Variants in FNTB observed in about 807,000 individuals in gnomAD.
FNTB encodes the protein farnesyltransferase, CAAX box, subunit beta.
In FNTB, 27 loss-of-function variants were observed where a neutral mutation model predicts 59.4. The ratio of observed to expected loss-of-function variants is 0.45; its 90% confidence interval spans 0.34 to 0.63. The LOEUF (loss-of-function observed/expected upper bound fraction) is 0.63, where lower values mean the gene tolerates loss of function less well. Ranked by LOEUF, FNTB falls within the 20% of genes least tolerant of loss-of-function variation. The probability of loss-of-function intolerance (pLI) is 0.02; values close to 1 mark genes in which losing one functional copy is unlikely to be tolerated. For synonymous variants in FNTB, 230 were observed against 220.7 expected (o/e 1.04, Z -0.37); for missense variants, 449 against 559.6 (o/e 0.80, Z 1.99).
At chr14:64,995,424 T>G (rs1888356025) in intron 1 of FNTB, among the ~76,000 whole-genome samples, 3 of 152,180 alleles carry the variant, frequency 2.0e-5, no homozygotes, top group African/African-American at 2.4e-5. Flanking sequence ...TGTTATACTT[T>G]TATAACACTG....
At chr14:65,059,818 A>G (rs1456684079) in intron 11 of FNTB, among the ~76,000 whole-genome samples, 1 of 149,162 alleles carries the variant, frequency 6.7e-6, no homozygotes, top group Non-Finnish European at 1.5e-5. Context: ...ACTACATATT[A>G]GGGTTGTGGT....
Position 65,023,366 on chromosome 14 carries a change from A to G in FNTB, c.375-4087A>G, listed in dbSNP as rs2061922316. 6.6e-6 allele frequency among the ~76,000 whole-genome samples: 1 copy of G among 152,144 alleles called. No homozygotes were observed. The highest frequency in any genetic ancestry group is 2.1e-4 in the South Asian group (1 of 4,822). On this transcript the variant is annotated intron_variant, in intron 4 of 11. Coordinates refer to ENST00000246166, the MANE Select transcript of FNTB (RefSeq NM_002028.4). The surrounding 1 kb of genome is among the most constrained non-coding windows in gnomAD (Gnocchi z 4.1). Reference sequence around the variant, plus strand: ...CCACCACGCCTGGCCAGAATCAATCACTTTAGATCAGTCCTCAGCCATCAC... The same window carrying G: ...CCACCACGCCTGGCCAGAATCAATCGCTTTAGATCAGTCCTCAGCCATCAC...
chr14:65,040,719 C>T, intron 7 of FNTB, 71 bp from the exon 8 acceptor site: 1 of 1,516,266 alleles, frequency 6.6e-7, no homozygotes, highest in Non-Finnish European at 8.9e-7. Context: ...TCTCTGCCAC[C>T]TAGGATGGTC....
chr14:65,054,719 T>A lies in FNTB; in HGVS notation c.1182+30T>A, dbSNP rs1001824104. 6.3e-7 allele frequency: 1 copy of A among 1,580,226 alleles called. No individual in the cohort carries two copies. The highest frequency in any genetic ancestry group is 1.1e-5 in the South Asian group (1 of 86,974). ...GACGGGTGCAGGGCTTCACACCCCT[T>A]CTCCACAGGGACCTCGCGGACAGAA... On this transcript the variant is annotated intron_variant, in intron 11 of 11. Transcript: ENST00000246166. The surrounding 1 kb of genome is among the most constrained non-coding windows in gnomAD (Gnocchi z 4.4).
intron 2 of FNTB, among the ~76,000 whole-genome samples, chr14:65,010,643 C>T (rs2061668127): frequency 1.3e-5 from 2 of 152,364 alleles, no homozygotes; most frequent in South Asian, 4.1e-4. Context: ...CTCCAAAGCA[C>T]AGTTCTGATC....
At chr14:65,015,863 TC>T in intron 4 of FNTB, 147 bp downstream of exon 4, 1 of 783,718 alleles carries the variant, frequency 1.3e-6, no homozygotes, top group Non-Finnish European at 2.0e-6. Context: ...TCCGGCAACT[TC>T]CTGAAACTCC....
At chr14:65,000,217 A>G (rs1888545845) in intron 1 of FNTB, among the ~76,000 whole-genome samples, 1 of 152,228 alleles carries the variant, frequency 6.6e-6, no homozygotes, top group South Asian at 2.1e-4. Flanking sequence ...TGTGTCATTC[A>G]GAATTCATTA....
At position 64,997,785 on chromosome 14, in the gene FNTB, TC is replaced by T. The variant is rs1335764930; in HGVS notation, c.145-6462del. ...AGGTGCCTTCTCCATTGGTAAGAGTTCCTAGTGGCTTAGAGTCATCCTTGTC... is the reference window on the plus strand; with the variant it reads ...AGGTGCCTTCTCCATTGGTAAGAGTTCTAGTGGCTTAGAGTCATCCTTGTC... On this transcript the variant is annotated intron_variant, in intron 1 of 11. Transcript: ENST00000246166. The surrounding 1 kb of genome is among the most constrained non-coding windows in gnomAD (Gnocchi z 4.5). Among the ~76,000 whole-genome samples the T allele has an allele frequency of 6.6e-6, 1 of 152,200 alleles. No individual in the cohort carries two copies.
chr14:65,055,509 TTTTTTAA>T (rs1324566630), intron 11 of FNTB, among the ~76,000 whole-genome samples: 3 of 152,188 alleles, frequency 2.0e-5, no homozygotes, highest in Non-Finnish European at 4.4e-5. Flanking sequence ...AAAAAATTTT[TTTTTTAA>T]TTTTTAATTT....
chr14:65,024,106 A>G (rs1309470009), intron 4 of FNTB, among the ~76,000 whole-genome samples: 1 of 151,028 alleles, frequency 6.6e-6, no homozygotes, highest in Non-Finnish European at 1.5e-5. Context: ...CATCTCCTAA[A>G]AAAAAAAAAA....
At chr14:65,024,133 C>T (rs1416372802) in intron 4 of FNTB, among the ~76,000 whole-genome samples, 2 of 151,906 alleles carry the variant, frequency 1.3e-5, no homozygotes, top group African/African-American at 4.8e-5. Context: ...ACTCTCAGAC[C>T]CATCTAGTTC....
intron 4 of FNTB, among the ~76,000 whole-genome samples, chr14:65,026,706 C>CA (rs1430077930): frequency 6.6e-6 from 1 of 151,896 alleles, no homozygotes; most frequent in Non-Finnish European, 1.5e-5. Flanking sequence ...ACTGAAAATA[C>CA]AAAAAATTGG....
intron 9 of FNTB, among the ~76,000 whole-genome samples, chr14:65,050,454 G>A (rs1425617371): frequency 6.6e-6 from 1 of 152,142 alleles, no homozygotes; most frequent in Non-Finnish European, 1.5e-5. Flanking sequence ...AGCCAGGCGT[G>A]GGGGCTTGTA....
chr14:64,987,085 G>A lies in FNTB; in HGVS notation c.132G>A (p.Thr44=), dbSNP rs747645178. 18 of 1,614,098 alleles carry A rather than the reference G, an allele frequency of 1.1e-5. 1 individual carries two copies. The highest frequency in any genetic ancestry group is 4.4e-5 in the South Asian group (4 of 91,088). The part of the protein sequence containing the change: ...RLQDDSVETV[T]SIEQAKVEEK... The stretch of plus-strand genomic sequence containing the variant: ...AGGACGACTCGGTGGAAACAGTCAC[G>A]TCCATAGAACAGGTGAGGTGGCAGG... The change falls in exon 1 of 12, where the codon ACG becomes ACA. Residue 44 remains threonine, a synonymous_variant. Transcript: ENST00000246166.
chr14:65,020,579 G>A (rs532643466), intron 4 of FNTB, among the ~76,000 whole-genome samples: 20 of 151,128 alleles, frequency 1.3e-4, no homozygotes, highest in Admixed American at 7.9e-4. Flanking sequence ...GCATACAGGC[G>A]GGAGCCACCA....
chr14:65,039,346 T>A lies in FNTB; in HGVS notation c.693-1444T>A, dbSNP rs78880519. Among the ~76,000 whole-genome samples the A allele has an allele frequency of 0.011, 1,621 of 152,344 alleles. 41 individuals are homozygous for A. The East Asian group carries it at 0.11, about 11-fold the overall frequency. The stretch of plus-strand genomic sequence containing the variant: ...ATTACTGACTCTCACGTAATCACAT[T>A]TGGTACAGTGCTCCCTCCTCCTCTT... On this transcript the variant is annotated intron_variant, in intron 7 of 11. Coordinates refer to ENST00000246166, the MANE Select transcript of FNTB (RefSeq NM_002028.4).
intron 1 of FNTB, among the ~76,000 whole-genome samples, chr14:64,988,147 C>T (rs1438380285): frequency 6.6e-6 from 1 of 152,104 alleles, no homozygotes; most frequent in Non-Finnish European, 1.5e-5. Context: ...ATAACAGAAA[C>T]AAGGGCTTGA....
Position 65,044,311 on chromosome 14 carries a change from C to A in FNTB, c.823C>A (p.Gln275Lys), listed in dbSNP as rs958916922. 6.2e-7 allele frequency: 1 copy of A among 1,613,212 alleles called. No homozygotes were observed. The highest frequency in any genetic ancestry group is 1.3e-5 in the African/African-American group (1 of 74,918). The stretch of plus-strand genomic sequence containing the variant: ...GCCTTTCCCATCTGTGTCTCCTCAG[C>A]AATGGGTGACAAGCCGGCAGATGCG... ...ERSLNLKSLL[Q>K]WVTSRQMRFE... Residue 275 changes from glutamine (Q) to lysine (K), a missense_variant and splice_region_variant, in exon 9 of 12, where the codon CAA (glutamine) becomes AAA (lysine). Transcript: ENST00000246166. This position sits in a 1 kb window ranked among gnomAD's most constrained non-coding sequence, Gnocchi z 5.5.
rs1212785621 is a variant in FNTB at position 65,030,948 on chromosome 14, C to T, written c.606-1662C>T. 1.3e-5 allele frequency among the ~76,000 whole-genome samples: 2 copies of T among 152,102 alleles called. No individual in the cohort carries two copies. The highest frequency in any genetic ancestry group is 1.9e-4 in the East Asian group (1 of 5,180). On this transcript the variant is annotated intron_variant, in intron 6 of 11. Transcript: ENST00000246166. The surrounding 1 kb of genome is among the most constrained non-coding windows in gnomAD (Gnocchi z 4.5). Reference sequence around the variant, plus strand: ...TCGGTCTCCCAAGTAGCTGGGATTACAGGCGTGTGCCACCATGCCCAGCTA... The same window carrying T: ...TCGGTCTCCCAAGTAGCTGGGATTATAGGCGTGTGCCACCATGCCCAGCTA...
Sources: gnomAD v4.1 joint callset for allele counts (sites outside exome capture counted in the v4.1 genomes callset) on GRCh38, gnomAD v4.1.1 for gene constraint, Gnocchi (gnomAD v3.1) non-coding constraint, MANE v1.5 for transcripts, NCBI Gene and HGNC (gene_info 2026-07-23, HGNC 2026-07-21) for gene names.